The following ZYG11B variants were observed in gnomAD, a reference collection of about 807,000 sequenced individuals.
The protein encoded by ZYG11B is zyg-11 family member B, cell cycle regulator, also known as protein zyg-11 homolog B.
In ZYG11B, 36 loss-of-function variants were observed where a neutral mutation model predicts 82.4. That is an observed-to-expected ratio of 0.44 (90% CI 0.33 to 0.58). The LOEUF (loss-of-function observed/expected upper bound fraction) is 0.58, where lower values mean the gene tolerates loss of function less well. Ranked by LOEUF, ZYG11B falls within the 20% of genes least tolerant of loss-of-function variation. The pLI is 0.02. For missense variants in ZYG11B, 552 were observed against 895.6 expected (o/e 0.62, Z 4.90); for synonymous variants, 303 against 312.8 (o/e 0.97, Z 0.33).
intron 10 of ZYG11B, among the ~76,000 whole-genome samples, chr1:52,808,304 C>T (rs1645157761): frequency 6.6e-6 from 1 of 151,952 alleles, no homozygotes; most frequent in South Asian, 2.1e-4. Flanking sequence ...ACGGAGGTTG[C>T]AGTGAGCCGA....
chr1:52,746,688 T>G (rs1168748893), intron 1 of ZYG11B, among the ~76,000 whole-genome samples: 1 of 32,084 alleles, frequency 3.1e-5, no homozygotes, highest in East Asian at 6.7e-4. Flanking sequence ...TCGGCCACTG[T>G]TTTTTTTTTT....
At position 52,748,821 on chromosome 1, in the gene ZYG11B, T is replaced by C. The variant is rs368659171; in HGVS notation, c.31-7637T>C. On this transcript the variant is annotated intron_variant, in intron 1 of 13. Coordinates refer to ENST00000294353, the MANE Select transcript of ZYG11B (RefSeq NM_024646.3). ...GGTTGCAGTGGGCACAAGAATCACTTGAATGGGGAGGTGGAGGTTGTGGTG... is the reference window on the plus strand; with the variant it reads ...GGTTGCAGTGGGCACAAGAATCACTCGAATGGGGAGGTGGAGGTTGTGGTG... Among the ~76,000 whole-genome samples the C allele has an allele frequency of 1.6e-3, 235 of 144,796 alleles. 2 individuals carry two copies. Among genetic ancestry groups the C allele is most frequent in the African/African-American group, 5.7e-3 (222 of 38,628 alleles). The allele number at this position is 144,796 out of a possible 152,430, so 95.0% of individuals were successfully genotyped here.
In ZYG11B at chr1:52,740,918, G is replaced by A. The variant is rs568120192; in HGVS notation, c.30+14235G>A. Among the ~76,000 whole-genome samples the A allele has an allele frequency of 2.5e-4, 22 of 87,556 alleles. 1 individual carries two copies. The South Asian group carries it at 6.3e-3, about 25-fold the overall frequency. 57.4% of individuals were successfully genotyped at this position (87,556 alleles called of 152,430 possible). On this transcript the variant is annotated intron_variant, in intron 1 of 13. Coordinates refer to ENST00000294353, the MANE Select transcript of ZYG11B (RefSeq NM_024646.3). ...TCTGTAAAATGATTGCAGTTGGGGC[G>A]GGGGAGGGTAAGGGATTAGATCATC...
chr1:52,780,106 T>A, intron 4 of ZYG11B, 113 bp downstream of exon 4: 1 of 1,020,184 alleles, frequency 9.8e-7, no homozygotes, highest in Non-Finnish European at 1.4e-6. Flanking sequence ...ATTTATAATG[T>A]GATTGATGAC....
intron 10 of ZYG11B, chr1:52,805,091 CAAAAAAA>C (rs57893615): frequency 2.7e-4 from 30 of 112,336 alleles, no homozygotes; most frequent in East Asian, 4.8e-4. Flanking sequence ...AACTCTGTCT[CAAAAAAA>C]AAAAAAAAAA....
chr1:52,801,368 A>G (rs1483004194), intron 8 of ZYG11B, among the ~76,000 whole-genome samples: 4 of 152,268 alleles, frequency 2.6e-5, no homozygotes, highest in East Asian at 1.9e-4. Flanking sequence ...TAAATTGACT[A>G]TGAACAAATT....
At position 52,823,908 on chromosome 1, in the gene ZYG11B, A is replaced by C. The variant is rs935925079; in HGVS notation, c.*2279A>C. 1.3e-5 allele frequency: 2 copies of C among 152,210 alleles called. No individual in the cohort carries two copies. The highest frequency in any genetic ancestry group is 4.8e-5 in the African/African-American group (2 of 41,458). The allele number at this position is 152,210 out of a possible 1,614,324, so 9.4% of individuals were successfully genotyped here. On this transcript the variant is annotated 3_prime_UTR_variant, in exon 14 of 14. Coordinates refer to ENST00000294353, the MANE Select transcript of ZYG11B (RefSeq NM_024646.3). ...CATTCTGGGAGGCCGAGGCGGGCAG[A>C]TCACTTGAGATCAGGAGTTCGAGAC... is the stretch of plus-strand genomic sequence containing the variant.
chr1:52,783,914 A>AAACATACATGTGTATATG (rs1644887230), intron 4 of ZYG11B, among the ~76,000 whole-genome samples: 1 of 116,766 alleles, frequency 8.6e-6, no homozygotes, highest in African/African-American at 3.8e-5. Flanking sequence ...ATATACATCT[A>AAACATACATGTGTATATG]TACATATATG....
chr1:52,764,865 G>A (rs1644667769), intron 2 of ZYG11B, among the ~76,000 whole-genome samples: 2 of 152,106 alleles, frequency 1.3e-5, no homozygotes, highest in South Asian at 4.1e-4. Context: ...ACATAAAGGC[G>A]GGCTCCTCGG....
In ZYG11B at chr1:52,819,690, G is replaced by A. The variant is rs559012970; in HGVS notation, c.2045-1749G>A. Among the ~76,000 whole-genome samples, 6 of 151,388 alleles carry A rather than the reference G, an allele frequency of 4.0e-5. No individual in the cohort carries two copies. The South Asian group carries it at 1.3e-3, about 32-fold the overall frequency. On this transcript the variant is annotated intron_variant, in intron 13 of 13. Transcript: ENST00000294353. ...TACTCTCAGCTACTAGGGAGGCTGA[G>A]GCAGGAAAATCACTTGAACTGGGAG...
chr1:52,756,172 C>A (rs1644574911), intron 1 of ZYG11B, among the ~76,000 whole-genome samples: 1 of 152,180 alleles, frequency 6.6e-6, no homozygotes, highest in Non-Finnish European at 1.5e-5. Context: ...CTCACCATCC[C>A]TGACTGATTA....
chr1:52,816,753 C>T lies in ZYG11B; in HGVS notation c.2044+124C>T. On this transcript the variant is annotated intron_variant, in intron 13 of 13. Coordinates refer to ENST00000294353, the MANE Select transcript of ZYG11B (RefSeq NM_024646.3). ...AGAACACTGACTTAAAATGTAAGGC[C>T]ATCTTAGGTTATAAACTTAAGGTAT... 5 of 664,728 alleles carry T rather than the reference C, an allele frequency of 7.5e-6. No homozygotes were observed. In the South Asian group the frequency reaches 8.7e-5, roughly 12 times the overall value. 41.2% of individuals were successfully genotyped at this position (664,728 alleles called of 1,614,324 possible). A position where few individuals can be genotyped will look rare whatever the true frequency, so the allele number is the denominator to read the frequency against.
chr1:52,800,610 A>C (rs558193054), intron 8 of ZYG11B, among the ~76,000 whole-genome samples: 1 of 152,154 alleles, frequency 6.6e-6, no homozygotes, highest in South Asian at 2.1e-4. Flanking sequence ...GGAGTTCGAG[A>C]CCAGTGTGGC....
At chr1:52,813,246 T>C (rs1645198986) in intron 10 of ZYG11B, among the ~76,000 whole-genome samples, 1 of 152,176 alleles carries the variant, frequency 6.6e-6, no homozygotes, top group Non-Finnish European at 1.5e-5. Flanking sequence ...TCATGTGTGC[T>C]CTGTCTCTGA....
In ZYG11B at chr1:52,738,241, C is replaced by T. The variant is rs963319271; in HGVS notation, c.30+11558C>T. Among the ~76,000 whole-genome samples the T allele has an allele frequency of 7.2e-5, 11 of 152,152 alleles. 1 individual carries two copies. Among genetic ancestry groups the T allele is most frequent in the African/African-American group, 2.2e-4 (9 of 41,458 alleles). On this transcript the variant is annotated intron_variant, in intron 1 of 13. Coordinates refer to ENST00000294353, the MANE Select transcript of ZYG11B (RefSeq NM_024646.3). The stretch of plus-strand genomic sequence containing the variant: ...TTTTATTTTTTTGAGACAAGGTCTT[C>T]ACTCTGTCGCCCAGGCTGGAGTACA...
At chr1:52,747,578 CTTT>C (rs936308963) in intron 1 of ZYG11B, among the ~76,000 whole-genome samples, 4 of 150,186 alleles carry the variant, frequency 2.7e-5, no homozygotes, top group South Asian at 2.1e-4. Flanking sequence ...TGAACTCACT[CTTT>C]TTTTTTTCTC....
At chr1:52,786,063 AAGT>A (rs2149948718) in intron 5 of ZYG11B, among the ~76,000 whole-genome samples, 1 of 152,346 alleles carries the variant, frequency 6.6e-6, no homozygotes, top group Non-Finnish European at 1.5e-5. Context: ...AGCCCAAAGA[AAGT>A]AGAAGGAAGG....
intron 10 of ZYG11B, among the ~76,000 whole-genome samples, chr1:52,812,359 T>C (rs557258709): frequency 6.6e-6 from 1 of 152,130 alleles, no homozygotes; most frequent in African/African-American, 2.4e-5. Context: ...ATCAAGTTGC[T>C]CTTCTTGAAG....
chr1:52,807,253 C>T (rs532909729), intron 10 of ZYG11B, among the ~76,000 whole-genome samples: 2 of 151,960 alleles, frequency 1.3e-5, no homozygotes, highest in African/African-American at 4.8e-5. Flanking sequence ...CCACCAGCCT[C>T]GGCCTCCCAA....
Sources: allele counts gnomAD v4.1 joint callset (sites outside exome capture counted in the v4.1 genomes callset), GRCh38; gene constraint gnomAD v4.1.1; transcripts MANE v1.5; gene names NCBI Gene and HGNC (gene_info 2026-07-23, HGNC 2026-07-21).